The following TOM1L1 variants were observed in gnomAD, a reference collection of about 807,000 sequenced individuals.
TOM1L1 encodes the protein TOM1-like protein 1.
In TOM1L1, 64 loss-of-function variants were observed where a neutral mutation model predicts 63.4. The observed-to-expected ratio is 1.01, with a 90% CI of 0.83 to 1.24. The LOEUF (loss-of-function observed/expected upper bound fraction) is 1.24. Ranked by LOEUF, TOM1L1 falls within the 50% of genes most tolerant of loss-of-function variation. The pLI, the probability that TOM1L1 is intolerant of heterozygous loss-of-function variation, is 0.00. For synonymous variants in TOM1L1, 166 were observed against 194.4 expected (o/e 0.85, Z 1.22); for missense variants, 536 against 567.0 (o/e 0.95, Z 0.55).
chr17:54,914,071 A>G (rs2048543662), intron 5 of TOM1L1, among the ~76,000 whole-genome samples, 198 bp downstream of exon 5: 1 of 152,170 alleles, frequency 6.6e-6, no homozygotes, highest in Non-Finnish European at 1.5e-5. Context: ...AAAGTATGAA[A>G]GTTTGTTTGG....
intron 11 of TOM1L1, among the ~76,000 whole-genome samples, chr17:54,943,646 T>C (rs946172845): frequency 6.6e-6 from 1 of 152,078 alleles, no homozygotes; most frequent in African/African-American, 2.4e-5. Flanking sequence ...AGTATACTTA[T>C]TTTTCAGTCT....
chr17:54,948,851 C>T (rs1219858098), intron 12 of TOM1L1, among the ~76,000 whole-genome samples: 11 of 152,138 alleles, frequency 7.2e-5, no homozygotes, highest in Admixed American at 3.9e-4. Context: ...CACTGAGTGC[C>T]TCTCTGTAGA....
At chr17:54,929,603 T>C (rs569935138) in intron 7 of TOM1L1, among the ~76,000 whole-genome samples, 7 of 152,206 alleles carry the variant, frequency 4.6e-5, no homozygotes, top group Non-Finnish European at 1.0e-4. Flanking sequence ...GCAATAACAT[T>C]TTATGTTTAT....
chr17:54,955,795 C>G (rs1033975835), intron 14 of TOM1L1, among the ~76,000 whole-genome samples: 12 of 152,174 alleles, frequency 7.9e-5, no homozygotes, highest in Non-Finnish European at 1.3e-4. Context: ...AAACCCAGAC[C>G]ACTCTTTTAG....
At chr17:54,900,981 G>T in intron 1 of TOM1L1, 58 bp downstream of exon 1, 4 of 1,608,922 alleles carry the variant, frequency 2.5e-6, no homozygotes, top group Non-Finnish European at 3.4e-6. Context: ...ATCCTTTCCT[G>T]CTTGATCCAT....
At chr17:54,944,147 T>G (rs185253897) in intron 11 of TOM1L1, among the ~76,000 whole-genome samples, 132 of 151,226 alleles carry the variant, frequency 8.7e-4, no homozygotes, top group Middle Eastern at 3.5e-3. Context: ...TGAGATATAT[T>G]GCAAAGAATT....
chr17:54,947,707 C>T (rs901562302), intron 12 of TOM1L1, among the ~76,000 whole-genome samples: 2 of 152,182 alleles, frequency 1.3e-5, no homozygotes, highest in African/African-American at 2.4e-5. Context: ...TCCTGCCTCA[C>T]GTTCATTTCT....
chr17:54,908,157 T>TA (rs1018755495), intron 3 of TOM1L1, among the ~76,000 whole-genome samples: 2 of 152,178 alleles, frequency 1.3e-5, no homozygotes, highest in Admixed American at 1.3e-4. Flanking sequence ...AGCCTGTGCC[T>TA]AAAAACAGGC....
chr17:54,958,746 A>G (rs1422590691), intron 14 of TOM1L1, among the ~76,000 whole-genome samples: 2 of 141,096 alleles, frequency 1.4e-5, no homozygotes, highest in Non-Finnish European at 3.2e-5. Context: ...AAAAAAAAAA[A>G]AAGGGGTTGT....
intron 7 of TOM1L1, among the ~76,000 whole-genome samples, chr17:54,926,513 T>G (rs1419839118): frequency 6.6e-6 from 1 of 152,158 alleles, no homozygotes; most frequent in Non-Finnish European, 1.5e-5. Context: ...AAGAGAATGC[T>G]CTAGTATTTA....
At chr17:54,933,398 G>A (rs992653200) in intron 8 of TOM1L1, among the ~76,000 whole-genome samples, 2 of 152,242 alleles carry the variant, frequency 1.3e-5, no homozygotes, top group African/African-American at 4.8e-5. Flanking sequence ...TGAACCAAAA[G>A]TATCTGAGAC....
rs1179216541 is a variant in TOM1L1, at chr17:54,937,299, TTAAA to T, written c.1033+76_1033+79del. 5.1e-6 allele frequency: 6 copies of T among 1,173,030 alleles called. No homozygotes were observed. The African/African-American group carries it at 9.1e-5, about 18-fold the overall frequency. The allele number at this position is 1,173,030 out of a possible 1,614,324, so 72.7% of individuals were successfully genotyped here. ...TAAACAGTTCTCCTTAATTACGTGA[TTAAA>T]TACCACCTAAGAAGGACTGAAGTCA... On this transcript the variant is annotated intron_variant, in intron 10 of 15. Coordinates refer to ENST00000575882, the MANE Select transcript of TOM1L1 (RefSeq NM_005486.3).
intron 12 of TOM1L1, among the ~76,000 whole-genome samples, chr17:54,949,065 T>G (rs1285531941): frequency 2.0e-5 from 3 of 152,176 alleles, no homozygotes; most frequent in African/African-American, 7.2e-5. Flanking sequence ...CAGGGTCTCA[T>G]TCAGTCACCT....
chr17:54,929,977 T>C, intron 7 of TOM1L1, 96 bp from the exon 8 acceptor site: 1 of 1,496,974 alleles, frequency 6.7e-7, no homozygotes, highest in Non-Finnish European at 9.2e-7. Flanking sequence ...CTACTTAACG[T>C]GGAGGTGACT....
At chr17:54,938,792 C>G (rs1291247122) in intron 10 of TOM1L1, 132 bp from the exon 11 acceptor site, 2 of 524,880 alleles carry the variant, frequency 3.8e-6, no homozygotes, top group Non-Finnish European at 6.6e-6. Flanking sequence ...CTAAATTAAT[C>G]TCTTTTATTT....
chr17:54,926,909 A>G (rs1238261049), intron 7 of TOM1L1, among the ~76,000 whole-genome samples: 1 of 152,214 alleles, frequency 6.6e-6, no homozygotes, highest in Non-Finnish European at 1.5e-5. Flanking sequence ...TTTTGAACCC[A>G]GGACTGATTT....
At chr17:54,956,574 G>T (rs2049514944) in intron 14 of TOM1L1, among the ~76,000 whole-genome samples, 1 of 152,064 alleles carries the variant, frequency 6.6e-6, no homozygotes, top group African/African-American at 2.4e-5. Context: ...CTCCCAAAGT[G>T]CTGGGATTAC....
At chr17:54,904,789 G>A (rs2048384169) in intron 2 of TOM1L1, among the ~76,000 whole-genome samples, 1 of 152,176 alleles carries the variant, frequency 6.6e-6, no homozygotes, top group Admixed American at 6.5e-5. Context: ...GTGATAACTG[G>A]CAGTAAAAGA....
At chr17:54,940,928 A>C (rs575180335) in intron 11 of TOM1L1, among the ~76,000 whole-genome samples, 1 of 152,272 alleles carries the variant, frequency 6.6e-6, no homozygotes, top group African/African-American at 2.4e-5. Context: ...TATTTTAGAT[A>C]ATAGGCAACA....
Sources: allele counts gnomAD v4.1 joint callset (sites outside exome capture counted in the v4.1 genomes callset), GRCh38; gene constraint gnomAD v4.1.1; transcripts MANE v1.5; gene names NCBI Gene and HGNC (gene_info 2026-07-23, HGNC 2026-07-21).